Variants in COG2 observed in about 807,000 individuals in gnomAD.
COG2 encodes the protein component of oligomeric golgi complex 2.
A neutral mutation model predicts 90.6 loss-of-function variants in COG2; 52 were observed. The observed-to-expected ratio is 0.57, with a 90% CI of 0.46 to 0.72. The LOEUF (loss-of-function observed/expected upper bound fraction) is 0.72, where lower values mean the gene tolerates loss of function less well. COG2 is among the 30% of genes least tolerant of loss of function. COG2 has a pLI of 0.00. For missense variants in COG2, 829 were observed against 891.2 expected (o/e 0.93, Z 0.89); for synonymous variants, 337 against 320.4 (o/e 1.05, Z -0.55).
chr1:230,679,642 C>T (rs1482510130), intron 10 of COG2: 1 of 152,198 alleles, frequency 6.6e-6, no homozygotes, highest in Non-Finnish European at 1.5e-5. Flanking sequence ...ATGATATCAC[C>T]TTTGTCAATA....
At chr1:230,691,307 G>T in intron 16 of COG2, 77 bp from the exon 17 acceptor site, 6 of 1,285,322 alleles carry the variant, frequency 4.7e-6, no homozygotes, top group East Asian at 2.6e-5. Context: ...TCTTTTTTTG[G>T]TCCACAAAGC....
At chr1:230,684,497 A>G (rs1571962247) in intron 11 of COG2, 1 of 152,488 alleles carries the variant, frequency 6.6e-6, no homozygotes. Context: ...TAATTTTTGT[A>G]TCATATATTT....
intron 16 of COG2, among the ~76,000 whole-genome samples, chr1:230,690,613 CCTAAAACCT>C (rs571523074): frequency 1.7e-4 from 26 of 152,212 alleles, no homozygotes; most frequent in Non-Finnish European, 2.9e-4. Flanking sequence ...GGACTCGATT[CCTAAAACCT>C]CTAAAACACT....
chr1:230,685,095 G>A lies in COG2; in HGVS notation c.1239G>A (p.Pro413=), dbSNP rs541228707. 1.1e-4 allele frequency: 182 copies of A among 1,614,034 alleles called. No homozygotes were observed. In the South Asian group the frequency reaches 1.9e-3, roughly 17 times the overall value. ...TTGTTTTTTCTCTAGCTGAAAGTCC[G>A]TATTGCCTTTTGGCTTCTCATAGAA... The part of the protein sequence containing the change: ...DVLEDAPAES[P]YCLLASHRTW... Residue 413 remains proline (P), a synonymous_variant, in exon 12 of 18, where the codon CCG becomes CCA. Coordinates refer to ENST00000366669, the MANE Select transcript of COG2 (RefSeq NM_007357.3).
chr1:230,675,768 C>G (rs1275424857), intron 9 of COG2, among the ~76,000 whole-genome samples: 1 of 152,086 alleles, frequency 6.6e-6, no homozygotes, highest in Non-Finnish European at 1.5e-5. Flanking sequence ...CAGGCTGCTT[C>G]CTGAGTAGCT....
chr1:230,667,591 A>G (rs1049359606), intron 5 of COG2, among the ~76,000 whole-genome samples: 1 of 152,218 alleles, frequency 6.6e-6, no homozygotes, highest in African/African-American at 2.4e-5. Flanking sequence ...GCCAAGAAAC[A>G]TTTAGATAAT....
In COG2 at chr1:230,679,991, A is replaced by G. The variant is rs185995654; in HGVS notation, c.1166+939A>G. The G allele has an allele frequency of 1.7e-3, 261 of 152,332 alleles. 1 individual carries two copies. Among genetic ancestry groups the G allele is most frequent in the African/African-American group, 6.1e-3 (255 of 41,586 alleles). The allele number at this position is 152,332 out of a possible 1,614,324, so 9.4% of individuals were successfully genotyped here. ...TTTTTATAATGAAATCACAGTTCTC[A>G]GAATGAAGTAGTAAGGTGCCCTTTC... On this transcript the variant is annotated intron_variant, in intron 10 of 17. Transcript: ENST00000366669.
At chr1:230,690,333 G>C in intron 16 of COG2, 180 bp downstream of exon 16, 1 of 524,386 alleles carries the variant, frequency 1.9e-6, no homozygotes, top group Non-Finnish European at 3.2e-6. Context: ...CCTTGTGGAC[G>C]GCCTGTGGGC....
intron 1 of COG2, among the ~76,000 whole-genome samples, chr1:230,658,709 C>T (rs577650370): frequency 6.6e-6 from 1 of 152,298 alleles, no homozygotes; most frequent in Non-Finnish European, 1.5e-5. Context: ...ATCTATAAGA[C>T]CCTGACTGGG....
chr1:230,661,789 A>G (rs896775943), intron 3 of COG2, among the ~76,000 whole-genome samples: 7 of 152,236 alleles, frequency 4.6e-5, no homozygotes, highest in African/African-American at 1.7e-4. Context: ...GCCTTGAACT[A>G]GCAAATATTT....
chr1:230,674,778 G>A (rs751182224), intron 8 of COG2, among the ~76,000 whole-genome samples: 1 of 152,178 alleles, frequency 6.6e-6, no homozygotes, highest in Non-Finnish European at 1.5e-5. Context: ...AGCTGGAGGA[G>A]TCAGGATCTA....
Position 230,671,721 on chromosome 1 carries a change from G to A in COG2, c.899+81G>A, listed in dbSNP as rs1052209254. 4.5e-6 allele frequency: 6 copies of A among 1,326,506 alleles called. No homozygotes were observed. In the African/African-American group the frequency reaches 8.9e-5, roughly 20 times the overall value. 82.2% of individuals were successfully genotyped at this position (1,326,506 alleles called of 1,614,324 possible). On this transcript the variant is annotated intron_variant, in intron 8 of 17. Transcript: ENST00000366669. ...TAATTGCAGGTGCACGATGGACGAT[G>A]ACTGTCTTGTATGAACTGTCTTGTA...
rs904861264 is a variant in COG2 at position 230,678,939 on chromosome 1, C to T, written c.1053C>T (p.Val351=). The part of the protein sequence containing the change: ...HEKYTISMDF[V]RRLERQCGSQ... ...AATATACCATAAGTATGGATTTTGT[C>T]AGAAGATTGGAACGGCAGTGTGGAT... is the stretch of plus-strand genomic sequence containing the variant. The change falls in exon 10 of 18, where the codon GTC becomes GTT. Residue 351 remains valine, a synonymous_variant. Coordinates refer to ENST00000366669, the MANE Select transcript of COG2 (RefSeq NM_007357.3). 22 of 1,612,680 alleles carry T rather than the reference C, an allele frequency of 1.4e-5. No individual in the cohort carries two copies. The highest frequency in any genetic ancestry group is 1.7e-5 in the Non-Finnish European group (20 of 1,179,190).
chr1:230,666,655 C>G (rs1188125201), intron 5 of COG2, among the ~76,000 whole-genome samples: 3 of 152,198 alleles, frequency 2.0e-5, no homozygotes, highest in African/African-American at 4.8e-5. Context: ...CTGAACATTG[C>G]TGACTTACGC....
chr1:230,659,387 T>A, intron 1 of COG2, 77 bp from the exon 2 acceptor site: 1 of 1,198,662 alleles, frequency 8.3e-7, no homozygotes, highest in African/African-American at 1.5e-5. Context: ...GCTTTCTTAC[T>A]CTTTCTTCCA....
intron 8 of COG2, among the ~76,000 whole-genome samples, chr1:230,674,766 C>T (rs889185789): frequency 1.3e-5 from 2 of 152,094 alleles, no homozygotes; most frequent in Non-Finnish European, 2.9e-5. Flanking sequence ...AGCCTTGACA[C>T]CAGCTGGAGG....
chr1:230,652,860 A>C (rs1661947040), intron 1 of COG2, among the ~76,000 whole-genome samples: 1 of 152,172 alleles, frequency 6.6e-6, no homozygotes, highest in African/African-American at 2.4e-5. Flanking sequence ...AGCTTTATTT[A>C]GGTATGATTG....
chr1:230,645,996 G>A (rs969798585), intron 1 of COG2, among the ~76,000 whole-genome samples: 2 of 151,892 alleles, frequency 1.3e-5, no homozygotes, highest in Non-Finnish European at 2.9e-5. Flanking sequence ...CTGGTGTAGG[G>A]GTCTTTCCTT....
At position 230,671,564 on chromosome 1, in the gene COG2, A is replaced by T. The variant is rs1228689177; in HGVS notation, c.823A>T (p.Met275Leu). 1.2e-6 allele frequency: 2 copies of T among 1,613,600 alleles called. No homozygotes were observed. The highest frequency in any genetic ancestry group is 1.7e-6 in the Non-Finnish European group (2 of 1,179,672). Residue 275 changes from methionine to leucine, a missense_variant, in exon 8 of 18, where the codon ATG becomes TTG. Transcript: ENST00000366669. ...ATCTCATCCCAATGGCCTTCAGGTC[A>T]TGTATAATAAACTCCTGGAGTTTGT... ...VESHPNGLQVMYNKLLEFVPH... is the reference protein window; with the variant it reads ...VESHPNGLQVLYNKLLEFVPH...
Sources: allele counts gnomAD v4.1 joint callset (sites outside exome capture counted in the v4.1 genomes callset), GRCh38; gene constraint gnomAD v4.1.1; transcripts MANE v1.5; gene names NCBI Gene and HGNC (gene_info 2026-07-23, HGNC 2026-07-21).